Variants in AUTS2 observed in about 807,000 individuals in gnomAD.
AUTS2 encodes activator of transcription and developmental regulator AUTS2.
Under a neutral mutation model 112.4 loss-of-function variants are expected in AUTS2, and 17 were observed. That is an observed-to-expected ratio of 0.15 (90% confidence interval 0.10 to 0.23). The LOEUF is 0.23. Ranked by LOEUF, AUTS2 falls within the 10% of genes least tolerant of loss-of-function variation. AUTS2 has a pLI of 1.00. For synonymous variants in AUTS2, 751 were observed against 702.7 expected (o/e 1.07, Z -1.09); for missense variants, 1,510 against 1,701.6 (o/e 0.89, Z 1.98).
At chr7:70,746,334 C>T (rs574778451) in intron 6 of AUTS2, among the ~76,000 whole-genome samples, 4 of 152,132 alleles carry the variant, frequency 2.6e-5, no homozygotes, top group South Asian at 2.1e-4. Context: ...TCAGTAGAGA[C>T]GGGGTTTCAC....
At chr7:70,302,289 G>A (rs972508174) in intron 4 of AUTS2, among the ~76,000 whole-genome samples, 1 of 151,998 alleles carries the variant, frequency 6.6e-6, no homozygotes, top group Non-Finnish European at 1.5e-5. Context: ...GGTGCAGGCT[G>A]GTATTCCCAG....
intron 5 of AUTS2, among the ~76,000 whole-genome samples, chr7:70,505,246 G>A (rs941083277): frequency 1.4e-4 from 22 of 152,186 alleles, no homozygotes; most frequent in African/African-American, 5.1e-4. Flanking sequence ...TTTTGGATGA[G>A]AAAGAGAAGG....
intron 4 of AUTS2, among the ~76,000 whole-genome samples, chr7:70,402,790 A>C (rs976812906): frequency 6.6e-6 from 1 of 152,144 alleles, no homozygotes; most frequent in African/African-American, 2.4e-5. Context: ...TTCAAGAATT[A>C]AGGATGAAGG....
intron 1 of AUTS2, among the ~76,000 whole-genome samples, chr7:69,887,413 CAA>C (rs142082810): frequency 7.7e-4 from 41 of 53,030 alleles, no homozygotes; most frequent in Admixed American, 1.1e-3. Context: ...AAGACTTCAT[CAA>C]AAAAAAAAAA....
At chr7:69,625,410 T>TGGAA (rs932141917) in intron 1 of AUTS2, among the ~76,000 whole-genome samples, 1 of 152,062 alleles carries the variant, frequency 6.6e-6, no homozygotes, top group African/African-American at 2.4e-5. Flanking sequence ...GAGGGCTTGG[T>TGGAA]GGAAGGGCAG....
chr7:70,484,810 CAAAA>C (rs1797921762), intron 5 of AUTS2, among the ~76,000 whole-genome samples: 1 of 151,954 alleles, frequency 6.6e-6, no homozygotes, highest in African/African-American at 2.4e-5. Flanking sequence ...AAACGTTTGT[CAAAA>C]GAAGTACCTC....
At chr7:70,765,225 G>A (rs759124793) in intron 8 of AUTS2, among the ~76,000 whole-genome samples, 3 of 152,170 alleles carry the variant, frequency 2.0e-5, no homozygotes, top group Admixed American at 6.5e-5. Context: ...GACACTGCCC[G>A]AAGAGAGTGG....
intron 2 of AUTS2, among the ~76,000 whole-genome samples, chr7:70,109,628 A>T (rs990642964): frequency 6.6e-5 from 10 of 152,190 alleles, no homozygotes; most frequent in African/African-American, 2.2e-4. Flanking sequence ...TACTACGATA[A>T]AGGGTTATGG....
chr7:70,153,092 G>A (rs1047658603), intron 4 of AUTS2, among the ~76,000 whole-genome samples: 5 of 152,070 alleles, frequency 3.3e-5, no homozygotes, highest in Admixed American at 6.6e-5. Flanking sequence ...AGAAAAGAAA[G>A]CACATGTCCA....
chr7:70,681,525 A>ATT (rs11312953), intron 5 of AUTS2, among the ~76,000 whole-genome samples: 24 of 97,894 alleles, frequency 2.5e-4, no homozygotes, highest in African/African-American at 7.8e-4. Context: ...ATATATATAT[A>ATT]TTTTTTTTTT....
intron 3 of AUTS2, 43 bp downstream of exon 3, chr7:70,118,276 A>C: frequency 6.6e-7 from 1 of 1,515,178 alleles, no homozygotes; most frequent in Non-Finnish European, 8.8e-7. Flanking sequence ...AATTAACGAA[A>C]ACCACTAGGC....
intron 1 of AUTS2, among the ~76,000 whole-genome samples, chr7:69,764,843 A>T (rs569419770): frequency 2.2e-4 from 34 of 152,174 alleles, no homozygotes; most frequent in African/African-American, 7.5e-4. Flanking sequence ...AGCCCCTTGC[A>T]TGCAAACTTG....
chr7:69,644,849 T>G (rs1794952873), intron 1 of AUTS2, among the ~76,000 whole-genome samples: 1 of 152,164 alleles, frequency 6.6e-6, no homozygotes, highest in Non-Finnish European at 1.5e-5. Flanking sequence ...AGGTTTGGAA[T>G]GGGAAAAGGA....
chr7:69,699,298 C>T (rs1797697618), intron 1 of AUTS2, among the ~76,000 whole-genome samples: 1 of 152,136 alleles, frequency 6.6e-6, no homozygotes, highest in Non-Finnish European at 1.5e-5. Context: ...GACCTATGTG[C>T]CCCATTCTTC....
chr7:70,392,305 T>C (rs1032212246), intron 4 of AUTS2, among the ~76,000 whole-genome samples: 1 of 152,174 alleles, frequency 6.6e-6, no homozygotes, highest in African/African-American at 2.4e-5. Context: ...TCATCCATGA[T>C]GAGCAAGGAC....
At chr7:70,365,036 T>A (rs2129628426) in intron 4 of AUTS2, among the ~76,000 whole-genome samples, 1 of 152,216 alleles carries the variant, frequency 6.6e-6, no homozygotes, top group South Asian at 2.1e-4. Flanking sequence ...TGGAGAAAGG[T>A]ACTGGGAAAG....
chr7:70,509,401 C>G (rs556475120), intron 5 of AUTS2, among the ~76,000 whole-genome samples: 2 of 152,148 alleles, frequency 1.3e-5, no homozygotes, highest in South Asian at 4.1e-4. Context: ...AAGTACCCTA[C>G]GGAAGGTACA....
intron 1 of AUTS2, among the ~76,000 whole-genome samples, chr7:69,715,957 A>AG: frequency 6.6e-6 from 1 of 152,330 alleles, no homozygotes; most frequent in South Asian, 2.1e-4. Flanking sequence ...AGAGGAACCC[A>AG]GGCAGTCTGG....
chr7:70,447,572 G>A (rs1357472304), intron 5 of AUTS2, among the ~76,000 whole-genome samples: 3 of 152,176 alleles, frequency 2.0e-5, no homozygotes, highest in Non-Finnish European at 4.4e-5. Context: ...GCCCAGTCTT[G>A]CTCCTGGTTA....
Sources: gnomAD v4.1 joint callset for allele counts (sites outside exome capture counted in the v4.1 genomes callset) on GRCh38, gnomAD v4.1.1 for gene constraint, MANE v1.5 for transcripts, NCBI Gene and HGNC (gene_info 2026-07-23, HGNC 2026-07-21) for gene names.